SZT2: variants seen among roughly 807,000 people sequenced by gnomAD.
SZT2 encodes SZT2 subunit of KICSTOR complex, also known as KICSTOR complex protein SZT2.
A neutral mutation model predicts 404.2 loss-of-function variants in SZT2; 216 were observed. That is an observed-to-expected ratio of 0.53 (90% CI 0.48 to 0.60). The LOEUF (loss-of-function observed/expected upper bound fraction) is 0.60. Ranked by LOEUF, SZT2 falls within the 20% of genes least tolerant of loss-of-function variation. The pLI, the probability that SZT2 is intolerant of heterozygous loss-of-function variation, is 0.00. For synonymous variants in SZT2, 1,693 were observed against 1,749.9 expected, an observed-to-expected ratio of 0.97 and a Z score of 0.81; for missense variants, 3,857 against 4,459.2, an observed-to-expected ratio of 0.86 and a Z score of 3.85.
In SZT2 at chr1:43,453,410, T is replaced by C. The variant is rs142369206; in HGVS notation, c.*2930T>C. The C allele has an allele frequency of 0.022, 34,863 of 1,557,122 alleles. 464 individuals carry two copies. The highest frequency in any genetic ancestry group is 0.047 in the Middle Eastern group (283 of 5,990). ...CCTGGGACAGCCCAGGGCTTTGGCA[T>C]ACCGCACGGCCTGCTCCAGTCCCTC... is the stretch of plus-strand genomic sequence containing the variant. On this transcript the variant is annotated 3_prime_UTR_variant, in exon 72 of 72. Transcript: ENST00000634258.
rs902780390 is a variant in SZT2, at chr1:43,445,496, C to T, written c.8826-398C>T. On this transcript the variant is annotated intron_variant, in intron 62 of 71. Coordinates refer to ENST00000634258, the MANE Select transcript of SZT2 (RefSeq NM_001365999.1). The stretch of plus-strand genomic sequence containing the variant: ...CTGAAAGCCTGGAACTGCCATCCCC[C>T]CCAATCAAAAGACAGCAGCTTTGCC... 61 of 289,962 alleles carry T rather than the reference C, an allele frequency of 2.1e-4. 1 individual carries two copies. The highest frequency in any genetic ancestry group is 1.8e-3 in the South Asian group (49 of 26,784). 18.0% of individuals were successfully genotyped at this position (289,962 alleles called of 1,614,324 possible). A position where few individuals can be genotyped will look rare whatever the true frequency, so the allele number is the denominator to read the frequency against.
Position 43,430,976 on chromosome 1 carries a change from C to T in SZT2, c.4802C>T (p.Pro1601Leu), listed in dbSNP as rs767369825. 5 of 1,613,954 alleles carry T rather than the reference C, an allele frequency of 3.1e-6. No homozygotes were observed. The East Asian group carries it at 1.1e-4, about 36-fold the overall frequency. ...CAGGTGCTTTCCAGTCTGGAGGGCC[C>T]CCCAGTTGGAGGCCGAGTTCCCTTG... The part of the protein sequence containing the change: ...LGQVLSSLEG[P>L]PVGGRVPLRD... Residue 1601 changes from proline to leucine, a missense_variant, in exon 33 of 72, where the codon CCC becomes CTC. Pro to Leu is a moderately conservative substitution (Grantham distance 98). Transcript: ENST00000634258.
Position 43,452,055 on chromosome 1 carries a change from GT to G in SZT2, c.*1578del, listed in dbSNP as rs1557615085. The stretch of plus-strand genomic sequence containing the variant: ...TGCTGTGAATAGAGCTCCTTCCCAA[GT>G]TTGTCCCCCATCAGTCAGTCACTGG... On this transcript the variant is annotated 3_prime_UTR_variant, in exon 72 of 72. Coordinates refer to ENST00000634258, the MANE Select transcript of SZT2 (RefSeq NM_001365999.1). 3.8e-6 allele frequency: 6 copies of G among 1,575,646 alleles called. No homozygotes were observed. The Admixed American group carries it at 8.5e-5, about 22-fold the overall frequency.
In SZT2 at chr1:43,451,762, C is replaced by G. The variant is rs759113002; in HGVS notation, c.*1282C>G. On this transcript the variant is annotated 3_prime_UTR_variant, in exon 72 of 72. Transcript: ENST00000634258. ...ATTCCGAGACCCCGCAGGCCCCGCC[C>G]TCCTTCCGATCTGCGAAGTACCCCC... 4 of 1,613,958 alleles carry G rather than the reference C, an allele frequency of 2.5e-6. No homozygotes were observed. Among genetic ancestry groups the G allele is most frequent in the East Asian group, 2.2e-5 (1 of 44,870 alleles).
chr1:43,427,518 T>A lies in SZT2; in HGVS notation c.3599-12T>A. ...TAGAGCTGGAAGACCACGTGACACCTTTTCTTCACAGACAATGCCCAGAAT... is the reference window on the plus strand; with the variant it reads ...TAGAGCTGGAAGACCACGTGACACCATTTCTTCACAGACAATGCCCAGAAT... On this transcript the variant is annotated splice_polypyrimidine_tract_variant and intron_variant, in intron 25 of 71. Coordinates refer to ENST00000634258, the MANE Select transcript of SZT2 (RefSeq NM_001365999.1). 1 of 1,614,122 alleles carries A rather than the reference T, an allele frequency of 6.2e-7. No homozygotes were observed. The highest frequency in any genetic ancestry group is 8.5e-7 in the Non-Finnish European group (1 of 1,179,940).
chr1:43,420,037 G>T lies in SZT2; in HGVS notation c.1090+93G>T. On this transcript the variant is annotated intron_variant, in intron 8 of 71. Coordinates refer to ENST00000634258, the MANE Select transcript of SZT2 (RefSeq NM_001365999.1). This position sits in a 1 kb window ranked among gnomAD's most constrained non-coding sequence, Gnocchi z 5.1. The stretch of plus-strand genomic sequence containing the variant: ...CTGGAGGACTGAAAGTGTAACTGGG[G>T]CTGGCTCTGCTGGCACTGTTACCTC... 9 of 1,561,566 alleles carry T rather than the reference G, an allele frequency of 5.8e-6. No individual in the cohort carries two copies. The Admixed American group carries it at 6.8e-5, about 12-fold the overall frequency.
At chr1:43,418,153 A>G (rs994619512) in intron 7 of SZT2, among the ~76,000 whole-genome samples, 1 of 152,190 alleles carries the variant, frequency 6.6e-6, no homozygotes, top group Admixed American at 6.5e-5. Flanking sequence ...GGAAATAGGG[A>G]CAAGTGTTGA....
rs1415642674 is a variant in SZT2, at chr1:43,420,898, C to T, written c.1411C>T (p.His471Tyr). Residue 471 changes from histidine (H) to tyrosine (Y), a missense_variant, in exon 10 of 72, where the codon CAT (histidine) becomes TAT (tyrosine). This residue lies in a region of SZT2 where 536 missense variants were observed against 637.4 expected (regional missense o/e 0.84). Coordinates refer to ENST00000634258, the MANE Select transcript of SZT2 (RefSeq NM_001365999.1). The surrounding 1 kb of genome is among the most constrained non-coding windows in gnomAD (Gnocchi z 5.1). ...GATGGAAGGCGGCTACGACATTTTG[C>T]ATGATGTGTCCTGTGCACTAAGGCA... Reference protein sequence around the residue: ...VTMEGGYDILHDVSCALRQPI... With the variant: ...VTMEGGYDILYDVSCALRQPI... The T allele has an allele frequency of 6.3e-7, 1 of 1,598,456 alleles. No individual in the cohort carries two copies. Among genetic ancestry groups the T allele is most frequent in the East Asian group, 2.2e-5 (1 of 44,882 alleles).
rs910908550 is a variant in SZT2, at chr1:43,450,637, G to A, written c.*157G>A. 1.2e-5 allele frequency: 14 copies of A among 1,171,912 alleles called. No individual in the cohort carries two copies. In the East Asian group the frequency reaches 3.4e-4, roughly 29 times the overall value. The allele number at this position is 1,171,912 out of a possible 1,614,324, so 72.6% of individuals were successfully genotyped here. A position where few individuals can be genotyped will look rare whatever the true frequency, so the allele number is the denominator to read the frequency against. ...TGTAACTATGTCTTGAGGGTCTGCT[G>A]CCCCAGCCTGGCAGCAGGAACCGCC... On this transcript the variant is annotated 3_prime_UTR_variant, in exon 72 of 72. Transcript: ENST00000634258. This position sits in a 1 kb window ranked among gnomAD's most constrained non-coding sequence, Gnocchi z 4.3.
In SZT2 at chr1:43,430,956, G is replaced by A; in HGVS notation, c.4782G>A (p.Val1594=). ...ACTTTCCCCCTCTCCCAGGCCAGGT[G>A]CTTTCCAGTCTGGAGGGCCCCCCAG... ...VCSLPTCLGQ[V]LSSLEGPPVG... Residue 1594 remains valine, a synonymous_variant, in exon 33 of 72, where the codon GTG becomes GTA. Transcript: ENST00000634258. 6.2e-7 allele frequency: 1 copy of A among 1,613,308 alleles called. No individual in the cohort carries two copies.
chr1:43,450,011 G>A lies in SZT2; in HGVS notation c.10087-92G>A. 2.0e-6 allele frequency: 3 copies of A among 1,490,952 alleles called. No individual in the cohort carries two copies. Among genetic ancestry groups the A allele is most frequent in the Non-Finnish European group, 2.8e-6 (3 of 1,070,222 alleles). 92.4% of individuals were successfully genotyped at this position (1,490,952 alleles called of 1,614,324 possible). On this transcript the variant is annotated intron_variant, in intron 70 of 71. Coordinates refer to ENST00000634258, the MANE Select transcript of SZT2 (RefSeq NM_001365999.1). The surrounding 1 kb of genome is among the most constrained non-coding windows in gnomAD (Gnocchi z 4.3). The stretch of plus-strand genomic sequence containing the variant: ...TGCAGGCGGGGTGAGGTGTGGAGAT[G>A]GAAGTAGGCCTCTCCTCATCCTCCC...
In SZT2 at chr1:43,448,034, T is replaced by G; in HGVS notation, c.9564-45T>G. On this transcript the variant is annotated intron_variant, in intron 68 of 71. Transcript: ENST00000634258. This position sits in a 1 kb window ranked among gnomAD's most constrained non-coding sequence, Gnocchi z 4.2. ...AGCCTGCCCCACCCTGCCCTGTGTGTCTCTTGCTACAACCACCACTCTCCT... is the reference window on the plus strand; with the variant it reads ...AGCCTGCCCCACCCTGCCCTGTGTGGCTCTTGCTACAACCACCACTCTCCT... 3.1e-6 allele frequency: 5 copies of G among 1,609,236 alleles called. No individual in the cohort carries two copies. The highest frequency in any genetic ancestry group is 4.2e-6 in the Non-Finnish European group (5 of 1,176,724).
chr1:43,437,507 C>T lies in SZT2; in HGVS notation c.6289C>T (p.Arg2097Trp), dbSNP rs1557582244. Residue 2097 changes from arginine to tryptophan, a missense_variant and splice_region_variant, in exon 44 of 72, where the codon CGG becomes TGG. By Grantham distance (101) the Arg-to-Trp change is moderately radical. This residue lies in a region of SZT2 where 261 missense variants were observed against 372.9 expected (regional missense o/e 0.70). Coordinates refer to ENST00000634258, the MANE Select transcript of SZT2 (RefSeq NM_001365999.1). The surrounding 1 kb of genome is among the most constrained non-coding windows in gnomAD (Gnocchi z 5.3). ...AGCAACAAAGGCTGTGTACTATCTT[C>T]GGTATGTGGCCCTTGGAAGGTGGGT... ...ERATKAVYYL[R>W]LLETSCSDRP... 1.9e-6 allele frequency: 3 copies of T among 1,614,088 alleles called. No individual in the cohort carries two copies. The highest frequency in any genetic ancestry group is 2.2e-5 in the East Asian group (1 of 44,878).
chr1:43,413,753 C>G (rs768079753), intron 4 of SZT2, among the ~76,000 whole-genome samples: 4 of 152,030 alleles, frequency 2.6e-5, no homozygotes, highest in Non-Finnish European at 5.9e-5. Context: ...AAAATTAAAA[C>G]AATTGAACTA....
chr1:43,450,500 G>A lies in SZT2; in HGVS notation c.*20G>A. ...CTCTGAGGGAGTGGACTGGACCACT[G>A]AATGTCACTGTTCCTTGAATCATGG... On this transcript the variant is annotated 3_prime_UTR_variant, in exon 72 of 72. Coordinates refer to ENST00000634258, the MANE Select transcript of SZT2 (RefSeq NM_001365999.1). The surrounding 1 kb of genome is among the most constrained non-coding windows in gnomAD (Gnocchi z 4.3). 1 of 1,613,798 alleles carries A rather than the reference G, an allele frequency of 6.2e-7. No individual in the cohort carries two copies. Among genetic ancestry groups the A allele is most frequent in the South Asian group, 1.1e-5 (1 of 91,054 alleles).
In SZT2 at chr1:43,446,276, C is replaced by T; in HGVS notation, c.8997+17C>T. 1 of 1,614,238 alleles carries T rather than the reference C, an allele frequency of 6.2e-7. No individual in the cohort carries two copies. The highest frequency in any genetic ancestry group is 8.5e-7 in the Non-Finnish European group (1 of 1,180,036). ...GCATTCCAGGTAAGCAGGAGGAGCA[C>T]TGAGTGGAGACAGCCAGACCCACCT... On this transcript the variant is annotated intron_variant, in intron 64 of 71. Transcript: ENST00000634258.
At chr1:43,422,956 C>T in intron 14 of SZT2, 73 bp downstream of exon 14, 2 of 1,501,718 alleles carry the variant, frequency 1.3e-6, no homozygotes, top group Non-Finnish European at 1.8e-6. Flanking sequence ...CCAAACCCCA[C>T]AGGGCCAGGT....
rs1655270933 is a variant in SZT2, at chr1:43,443,231, G to C, written c.8463G>C (p.Trp2821Cys). 6.2e-7 allele frequency: 1 copy of C among 1,614,154 alleles called. No homozygotes were observed. Among genetic ancestry groups the C allele is most frequent in the Non-Finnish European group, 8.5e-7 (1 of 1,180,010 alleles). Residue 2821 changes from tryptophan (W) to cysteine (C), a missense_variant, in exon 60 of 72, where the codon TGG (tryptophan) becomes TGC (cysteine). Coordinates refer to ENST00000634258, the MANE Select transcript of SZT2 (RefSeq NM_001365999.1). ...QMKMENLFVT[W>C]QQRSTPATMP... ...AGATGGAAAACCTGTTTGTAACCTG[G>C]CAGCAGCGTTCTACCCCAGCCACCA...
At chr1:43,438,003 A>C (rs897730295) in intron 46 of SZT2, 101 bp downstream of exon 46, 1 of 1,237,730 alleles carries the variant, frequency 8.1e-7, no homozygotes, top group Admixed American at 1.8e-5. Flanking sequence ...AAGTTATGTA[A>C]CAGTCTCAGC....
Sources: gnomAD v4.1 joint callset for allele counts (sites outside exome capture counted in the v4.1 genomes callset) on GRCh38, gnomAD v4.1.1 for gene constraint, gnomAD v4.1.1 regional missense constraint, Gnocchi (gnomAD v3.1) non-coding constraint, MANE v1.5 for transcripts, NCBI Gene and HGNC (gene_info 2026-07-23, HGNC 2026-07-21) for gene names.